The following CPXM2 variants were observed in gnomAD, a reference collection of about 807,000 sequenced individuals.
The protein encoded by CPXM2 is inactive carboxypeptidase-like protein X2.
CPXM2 carries 66 observed loss-of-function variants against 86.1 expected under a neutral mutation model. The ratio of observed to expected loss-of-function variants is 0.77; its 90% CI spans 0.63 to 0.94. The LOEUF is 0.94. CPXM2 is among the 40% of genes least tolerant of loss of function. CPXM2 has a pLI of 0.00. For synonymous variants in CPXM2, 388 were observed against 400.2 expected (o/e 0.97, Z 0.36); for missense variants, 948 against 1,026.3 (o/e 0.92, Z 1.04).
chr10:123,756,755 C>A (rs777827312), intron 12 of CPXM2, among the ~76,000 whole-genome samples: 1 of 152,220 alleles, frequency 6.6e-6, no homozygotes, highest in Non-Finnish European at 1.5e-5. Flanking sequence ...AGAGGGATAA[C>A]CACCACATGA....
chr10:123,786,074 T>C (rs531223714), intron 6 of CPXM2, among the ~76,000 whole-genome samples: 2 of 152,258 alleles, frequency 1.3e-5, no homozygotes, highest in African/African-American at 2.4e-5. Context: ...AGCAATCTCA[T>C]GATCCCATCT....
chr10:123,830,128 A>G (rs1021097983), intron 4 of CPXM2, among the ~76,000 whole-genome samples: 1 of 152,218 alleles, frequency 6.6e-6, no homozygotes, highest in African/African-American at 2.4e-5. Context: ...AAAGTATGAC[A>G]TATCTTAAGA....
intron 6 of CPXM2, among the ~76,000 whole-genome samples, 189 bp from the exon 7 acceptor site, chr10:123,780,444 G>C (rs539685312): frequency 6.6e-6 from 1 of 152,102 alleles, no homozygotes; most frequent in Admixed American, 6.5e-5. Flanking sequence ...GTTAAGAGTG[G>C]GGAGCCAGAA....
intron 2 of CPXM2, among the ~76,000 whole-genome samples, chr10:123,938,368 C>T (rs11511759): frequency 0.61 from 92,400 of 152,094 alleles, 28,930 homozygotes; most frequent in East Asian, 0.87. Context: ...AGGTGCAGTG[C>T]GGTCTGCAGC....
chr10:123,814,135 T>C (rs1847757359), intron 4 of CPXM2, among the ~76,000 whole-genome samples: 1 of 152,194 alleles, frequency 6.6e-6, no homozygotes, highest in Non-Finnish European at 1.5e-5. Flanking sequence ...GAGTGTCAAC[T>C]TGATCGGCTT....
intron 4 of CPXM2, among the ~76,000 whole-genome samples, chr10:123,802,507 C>T (rs1262284802): frequency 6.6e-6 from 1 of 152,216 alleles, no homozygotes; most frequent in Admixed American, 6.5e-5. Context: ...CGTTCTACTA[C>T]TCTACTCTGA....
At chr10:123,932,002 T>C (rs1182218819) in intron 2 of CPXM2, among the ~76,000 whole-genome samples, 1 of 151,914 alleles carries the variant, frequency 6.6e-6, no homozygotes, top group East Asian at 1.9e-4. Context: ...GTATACAGAG[T>C]ATAAGTCTGA....
intron 13 of CPXM2, chr10:123,752,036 T>C (rs1846089978): frequency 3.0e-6 from 3 of 985,390 alleles, no homozygotes; most frequent in Non-Finnish European, 3.6e-6. Flanking sequence ...TTTCTCACAT[T>C]GCATACAAAG....
At chr10:123,929,073 C>T (rs1416653555) in intron 2 of CPXM2, among the ~76,000 whole-genome samples, 1 of 152,106 alleles carries the variant, frequency 6.6e-6, no homozygotes, top group Non-Finnish European at 1.5e-5. Flanking sequence ...CTGGAGAAGC[C>T]AGCAGGTTTG....
intron 2 of CPXM2, among the ~76,000 whole-genome samples, chr10:123,907,944 G>A (rs889119846): frequency 3.9e-5 from 6 of 152,100 alleles, no homozygotes; most frequent in Non-Finnish European, 7.4e-5. Flanking sequence ...AGGAAGGGAG[G>A]GGGAGGAAAG....
At chr10:123,887,827 G>A (rs528488799) in intron 1 of CPXM2, among the ~76,000 whole-genome samples, 4 of 152,214 alleles carry the variant, frequency 2.6e-5, no homozygotes, top group African/African-American at 9.6e-5. Flanking sequence ...CTGACAAAGC[G>A]TACATGGGGC....
At chr10:123,814,961 G>T (rs1387083585) in intron 4 of CPXM2, among the ~76,000 whole-genome samples, 2 of 152,272 alleles carry the variant, frequency 1.3e-5, no homozygotes. Flanking sequence ...GAGGGTGGAG[G>T]TTGCAGTGAT....
chr10:123,876,448 A>G (rs536848004), intron 2 of CPXM2, among the ~76,000 whole-genome samples: 78 of 152,318 alleles, frequency 5.1e-4, no homozygotes, highest in African/African-American at 1.7e-3. Flanking sequence ...ATAAGAAAGA[A>G]GCATGGGAAA....
chr10:123,771,994 A>C (rs1846645547), intron 7 of CPXM2, among the ~76,000 whole-genome samples: 2 of 152,360 alleles, frequency 1.3e-5, no homozygotes, highest in African/African-American at 4.8e-5. Flanking sequence ...TCTTCATAGC[A>C]GCATGAGAAT....
chr10:123,910,071 TAGACA>T (rs1945475626), intron 2 of CPXM2, among the ~76,000 whole-genome samples: 1 of 151,854 alleles, frequency 6.6e-6, no homozygotes, highest in Non-Finnish European at 1.5e-5. Flanking sequence ...GCAGCCACCA[TAGACA>T]GGTGGGGCCA....
chr10:123,791,667 CCT>C (rs1162824100), intron 6 of CPXM2, among the ~76,000 whole-genome samples: 3 of 152,222 alleles, frequency 2.0e-5, no homozygotes, highest in Non-Finnish European at 4.4e-5. Flanking sequence ...AGTATGACCT[CCT>C]CTTGATTGAT....
At chr10:123,923,517 CTTGCAGTGAGCCGAGA>C (rs1945594951) in intron 2 of CPXM2, among the ~76,000 whole-genome samples, 4 of 150,798 alleles carry the variant, frequency 2.7e-5, no homozygotes, top group Admixed American at 2.6e-4. Context: ...GGAGGCGGAG[CTTGCAGTGAGCCGAGA>C]TCGCGCCACT....
chr10:123,792,529 G>GA (rs1439086191), intron 6 of CPXM2, among the ~76,000 whole-genome samples: 1 of 152,140 alleles, frequency 6.6e-6, no homozygotes, highest in Non-Finnish European at 1.5e-5. Flanking sequence ...CCAGAGACAG[G>GA]AAGCCAGGGG....
intron 8 of CPXM2, among the ~76,000 whole-genome samples, 180 bp downstream of exon 8, chr10:123,770,736 T>C (rs551595744): frequency 2.0e-5 from 3 of 152,334 alleles, no homozygotes; most frequent in Admixed American, 6.5e-5. Context: ...CTATAGTCCA[T>C]ATCATAAGAT....
Sources: allele counts gnomAD v4.1 joint callset (sites outside exome capture counted in the v4.1 genomes callset), GRCh38; gene constraint gnomAD v4.1.1; transcripts MANE v1.5; gene names NCBI Gene and HGNC (gene_info 2026-07-23, HGNC 2026-07-21).